The following DIXDC1 variants were observed in gnomAD, a reference collection of about 807,000 sequenced individuals.
DIXDC1 encodes the protein dixin.
A neutral mutation model predicts 103.1 loss-of-function variants in DIXDC1; 64 were observed. That is an observed-to-expected ratio of 0.62 (90% confidence interval 0.51 to 0.76). The LOEUF (loss-of-function observed/expected upper bound fraction) is 0.76. Ranked by LOEUF, DIXDC1 falls within the 30% of genes least tolerant of loss-of-function variation. The pLI, the probability that DIXDC1 is intolerant of heterozygous loss-of-function variation, is 0.00. For synonymous variants in DIXDC1, 266 were observed against 298.5 expected (o/e 0.89, Z 1.12); for missense variants, 759 against 834.2 (o/e 0.91, Z 1.11).
At chr11:112,015,787 GCGAGA>G (rs1236376132) in intron 17 of DIXDC1, among the ~76,000 whole-genome samples, 7 of 145,236 alleles carry the variant, frequency 4.8e-5, no homozygotes, top group African/African-American at 1.5e-4. Flanking sequence ...GGGCGACAGA[GCGAGA>G]CCCTGTCTTT....
At chr11:111,932,218 G>A (rs1471651336) in intron 2 of DIXDC1, among the ~76,000 whole-genome samples, 1 of 150,946 alleles carries the variant, frequency 6.6e-6, no homozygotes, top group Non-Finnish European at 1.5e-5. Flanking sequence ...TTTTATTTTG[G>A]TAGAGATGGG....
chr11:111,966,268 G>C (rs1859728123), intron 2 of DIXDC1, among the ~76,000 whole-genome samples: 1 of 140,074 alleles, frequency 7.1e-6, no homozygotes, highest in Non-Finnish European at 1.5e-5. Context: ...CTGTTGCCAG[G>C]CTGGAGTGCA....
intron 1 of DIXDC1, among the ~76,000 whole-genome samples, chr11:111,941,748 G>T (rs954622813): frequency 2.0e-5 from 3 of 151,692 alleles, no homozygotes; most frequent in Non-Finnish European, 4.4e-5. Flanking sequence ...AGCCCAGGAG[G>T]TTGAGGCTGC....
At chr11:111,983,633 A>T (rs1860397756) in intron 7 of DIXDC1, among the ~76,000 whole-genome samples, 1 of 152,206 alleles carries the variant, frequency 6.6e-6, no homozygotes, top group Admixed American at 6.5e-5. Flanking sequence ...TGTTCCCAGG[A>T]TAATTTGCAT....
At chr11:111,944,838 A>G (rs1277102165) in intron 1 of DIXDC1, among the ~76,000 whole-genome samples, 4 of 152,250 alleles carry the variant, frequency 2.6e-5, no homozygotes, top group African/African-American at 9.6e-5. Flanking sequence ...GGTGGTTACC[A>G]TGAAAACCTT....
chr11:111,988,849 A>G (rs1555174166), intron 9 of DIXDC1, 156 bp from the exon 10 acceptor site: 5 of 608,652 alleles, frequency 8.2e-6, no homozygotes. Context: ...ATCAGCCTGT[A>G]CTGCTCACTG....
In DIXDC1 at chr11:111,977,359, C is replaced by T; in HGVS notation, c.656+2376C>T. ...TCGCCGCTGGGGACTCGAGGCGCAGCCTGCGCCGCCGGGAGCCTCCCTCCC... is the reference window on the plus strand; with the variant it reads ...TCGCCGCTGGGGACTCGAGGCGCAGTCTGCGCCGCCGGGAGCCTCCCTCCC... On this transcript the variant is annotated intron_variant, in intron 5 of 19. Transcript: ENST00000440460. The surrounding 1 kb of genome is among the most constrained non-coding windows in gnomAD (Gnocchi z 6.1). The T allele has an allele frequency of 1.0e-5, 11 of 1,065,520 alleles. No homozygotes were observed. Among genetic ancestry groups the T allele is most frequent in the Non-Finnish European group, 1.2e-5 (11 of 880,634 alleles). 66.0% of individuals were successfully genotyped at this position (1,065,520 alleles called of 1,614,324 possible).
chr11:111,928,772 GA>G (rs35264662), intron 1 of DIXDC1, among the ~76,000 whole-genome samples: 55 of 144,516 alleles, frequency 3.8e-4, no homozygotes, highest in Admixed American at 8.2e-4. Flanking sequence ...AAAAAAGTGG[GA>G]AAAAAAAAAG....
At chr11:112,005,002 C>T (rs1555176443) in intron 17 of DIXDC1, among the ~76,000 whole-genome samples, 1 of 152,114 alleles carries the variant, frequency 6.6e-6, no homozygotes, top group East Asian at 1.9e-4. Context: ...AAAAACGAAG[C>T]CACTGTGAAG....
chr11:111,959,969 G>A (rs1859516785), intron 1 of DIXDC1, among the ~76,000 whole-genome samples: 1 of 152,010 alleles, frequency 6.6e-6, no homozygotes, highest in Non-Finnish European at 1.5e-5. Flanking sequence ...GAGTGCACTG[G>A]CGCAATCTCG....
chr11:111,940,908 G>GC (rs1187297609), intron 1 of DIXDC1, among the ~76,000 whole-genome samples: 2 of 152,124 alleles, frequency 1.3e-5, no homozygotes, highest in Non-Finnish European at 2.9e-5. Flanking sequence ...GAAATACATA[G>GC]AAGTCCAATA....
chr11:111,994,960 T>G (rs1367441648), intron 14 of DIXDC1, 59 bp from the exon 15 acceptor site: 2 of 1,478,782 alleles, frequency 1.4e-6, no homozygotes, highest in Non-Finnish European at 1.9e-6. Flanking sequence ...AAAAATAAGA[T>G]AGCACATCTG....
At chr11:111,939,334 G>A (rs1473751107) in intron 1 of DIXDC1, among the ~76,000 whole-genome samples, 7 of 152,140 alleles carry the variant, frequency 4.6e-5, no homozygotes, top group African/African-American at 1.7e-4. Context: ...TCCAATTCTT[G>A]AAAAACATAA....
upstream of DIXDC1, among the ~76,000 whole-genome samples, chr11:111,933,197 C>T (rs34935413): frequency 2.6e-5 from 4 of 151,458 alleles, no homozygotes; most frequent in South Asian, 2.1e-4. Flanking sequence ...GGTGTGATCT[C>T]GGCTCACCTC....
chr11:111,930,827 CCTTTCTTTCTTT>C (rs201009230), intron 2 of DIXDC1, among the ~76,000 whole-genome samples: 4 of 146,188 alleles, frequency 2.7e-5, no homozygotes, highest in Non-Finnish European at 5.9e-5. Flanking sequence ...GTGAGACCCT[CCTTTCTTTCTTT>C]CTTTCTTTCC....
rs1861732845 is a variant in DIXDC1 at position 112,020,785 on chromosome 11, T to C, written c.*1749T>C. 6.6e-6 allele frequency: 1 copy of C among 152,240 alleles called. No homozygotes were observed. The highest frequency in any genetic ancestry group is 6.5e-5 in the Admixed American group (1 of 15,290). The allele number at this position is 152,240 out of a possible 1,614,324, so 9.4% of individuals were successfully genotyped here. ...GGAGCTCAAAAGATACTTGATGTCT[T>C]TCATGTAAGTTTACCTGGTCTTTTC... On this transcript the variant is annotated 3_prime_UTR_variant, in exon 20 of 20. Coordinates refer to ENST00000440460, the MANE Select transcript of DIXDC1 (RefSeq NM_001037954.4).
rs587720856 is a variant in DIXDC1 at position 111,998,814 on chromosome 11, G to A, written c.1756+2668G>A. ...CTCCCAAAGTGCTGGGATTACAGGC[G>A]TGAGCCACCGCGCCTGGCCTAGTAC... On this transcript the variant is annotated intron_variant, in intron 17 of 19. Coordinates refer to ENST00000440460, the MANE Select transcript of DIXDC1 (RefSeq NM_001037954.4). The surrounding 1 kb of genome is among the most constrained non-coding windows in gnomAD (Gnocchi z 4.1). Among the ~76,000 whole-genome samples, 80 of 152,282 alleles carry A rather than the reference G, an allele frequency of 5.3e-4. No individual in the cohort carries two copies. The highest frequency in any genetic ancestry group is 1.1e-3 in the Non-Finnish European group (72 of 68,016).
At chr11:112,005,669 G>T (rs1861212959) in intron 17 of DIXDC1, among the ~76,000 whole-genome samples, 1 of 152,220 alleles carries the variant, frequency 6.6e-6, no homozygotes, top group African/African-American at 2.4e-5. Flanking sequence ...CTGCACTCCA[G>T]TCTGGGCAGC....
Position 111,993,741 on chromosome 11 carries a change from G to A in DIXDC1, c.1437+1G>A. The A allele has an allele frequency of 1.9e-6, 3 of 1,613,830 alleles. No individual in the cohort carries two copies. Among genetic ancestry groups the A allele is most frequent in the Non-Finnish European group, 2.5e-6 (3 of 1,179,836 alleles). On this transcript the variant is annotated splice_donor_variant, in intron 14 of 19. Coordinates refer to ENST00000440460, the MANE Select transcript of DIXDC1 (RefSeq NM_001037954.4). LOFTEE classifies it high-confidence loss of function. ...CTGTATGAAAAGAGAGGCAGATGAG[G>A]TAACCTAGACCCCGTGTTCTCCCTC...
Sources: gnomAD v4.1 joint callset for allele counts (sites outside exome capture counted in the v4.1 genomes callset) on GRCh38, gnomAD v4.1.1 for gene constraint, Gnocchi (gnomAD v3.1) non-coding constraint, MANE v1.5 for transcripts, NCBI Gene and HGNC (gene_info 2026-07-23, HGNC 2026-07-21) for gene names.